The following ZMAT4 variants were observed in gnomAD, a reference collection of about 807,000 sequenced individuals.
ZMAT4 encodes the protein zinc finger matrin-type protein 4.
ZMAT4 carries 17 observed loss-of-function variants against 28.7 expected under a neutral mutation model. The ratio of observed to expected loss-of-function variants is 0.59; its 90% CI spans 0.41 to 0.89. The LOEUF is 0.89. Among genes scored for constraint, ZMAT4 ranks in the 40% least tolerant of loss-of-function variants. The pLI, the probability that ZMAT4 is intolerant of heterozygous loss-of-function variation, is 0.00. For missense variants in ZMAT4, 240 were observed against 283.8 expected (o/e 0.85, Z 1.11); for synonymous variants, 117 against 109.2 (o/e 1.07, Z -0.44).
At chr8:40,534,825 G>A (rs1328789747) in intron 6 of ZMAT4, among the ~76,000 whole-genome samples, 1 of 151,882 alleles carries the variant, frequency 6.6e-6, no homozygotes, top group Non-Finnish European at 1.5e-5. Context: ...TGGGATTACA[G>A]CCACGTGCTA....
At chr8:40,833,738 C>T (rs1816376187) in intron 1 of ZMAT4, among the ~76,000 whole-genome samples, 1 of 152,114 alleles carries the variant, frequency 6.6e-6, no homozygotes, top group Non-Finnish European at 1.5e-5. Context: ...CCCCATGCAG[C>T]ATCTGAGAGC....
intron 5 of ZMAT4, among the ~76,000 whole-genome samples, chr8:40,645,391 T>C (rs1807255140): frequency 6.6e-6 from 1 of 152,134 alleles, no homozygotes; most frequent in Non-Finnish European, 1.5e-5. Flanking sequence ...AACCATGACA[T>C]AATCAATATT....
intron 5 of ZMAT4, among the ~76,000 whole-genome samples, chr8:40,599,900 G>T (rs1343296534): frequency 6.6e-6 from 1 of 152,230 alleles, no homozygotes; most frequent in African/African-American, 2.4e-5. Flanking sequence ...CAGTGCCTGA[G>T]TCACCCTTTG....
chr8:40,699,808 C>T (rs1266787550), intron 3 of ZMAT4, among the ~76,000 whole-genome samples: 1 of 152,200 alleles, frequency 6.6e-6, no homozygotes, highest in Non-Finnish European at 1.5e-5. Context: ...GCTTAATTCT[C>T]AGTCTTAGAA....
At chr8:40,625,186 G>C (rs1806328673) in intron 5 of ZMAT4, among the ~76,000 whole-genome samples, 1 of 152,092 alleles carries the variant, frequency 6.6e-6, no homozygotes, top group African/African-American at 2.4e-5. Flanking sequence ...CCAGAGGACA[G>C]CAAGAAAATC....
At chr8:40,770,486 C>G (rs1036216797) in intron 2 of ZMAT4, among the ~76,000 whole-genome samples, 3 of 151,734 alleles carry the variant, frequency 2.0e-5, no homozygotes, top group African/African-American at 7.3e-5. Flanking sequence ...CCCCTCCTTC[C>G]TTCCTCCCTC....
chr8:40,657,148 A>G (rs574554761), intron 5 of ZMAT4, among the ~76,000 whole-genome samples: 10 of 152,144 alleles, frequency 6.6e-5, no homozygotes, highest in Non-Finnish European at 1.3e-4. Context: ...CTCCCACCTC[A>G]GTTTCCCAAG....
intron 4 of ZMAT4, among the ~76,000 whole-genome samples, chr8:40,675,394 G>A (rs1472855551): frequency 6.6e-6 from 1 of 151,632 alleles, no homozygotes; most frequent in African/African-American, 2.4e-5. Context: ...CAGGGGACAA[G>A]CTCAATGAGC....
At chr8:40,729,895 C>G (rs548577576) in intron 3 of ZMAT4, among the ~76,000 whole-genome samples, 9 of 152,148 alleles carry the variant, frequency 5.9e-5, no homozygotes, top group Non-Finnish European at 1.3e-4. Context: ...GCATATATTT[C>G]TTTCTTGAAG....
intron 2 of ZMAT4, among the ~76,000 whole-genome samples, chr8:40,797,766 A>C (rs2150584012): frequency 6.6e-6 from 1 of 152,346 alleles, no homozygotes; most frequent in East Asian, 1.9e-4. Flanking sequence ...TAAGCTTATC[A>C]GGCAGGGGAT....
At chr8:40,737,776 T>C (rs371813522) in intron 3 of ZMAT4, among the ~76,000 whole-genome samples, 1 of 152,010 alleles carries the variant, frequency 6.6e-6, no homozygotes, top group African/African-American at 2.4e-5. Context: ...TCAAATCATA[T>C]GAGGCAAGTT....
chr8:40,792,525 A>AAGGAAGGG (rs1814381562), intron 2 of ZMAT4, among the ~76,000 whole-genome samples: 2 of 16,216 alleles, frequency 1.2e-4, no homozygotes, highest in African/African-American at 5.9e-4. Context: ...GGAAGGAAGG[A>AAGGAAGGG]AGGAAGGGAC....
chr8:40,859,191 C>T (rs1379617976), intron 1 of ZMAT4, among the ~76,000 whole-genome samples: 3 of 152,170 alleles, frequency 2.0e-5, no homozygotes, highest in Non-Finnish European at 2.9e-5. Flanking sequence ...AGTCCTGTGC[C>T]TTCAAGGTGC....
At position 40,857,653 on chromosome 8, in the gene ZMAT4, C is replaced by T. The variant is rs537797799; in HGVS notation, c.-4-31973G>A. Among the ~76,000 whole-genome samples the T allele has an allele frequency of 5.3e-5, 8 of 152,274 alleles. 1 individual carries two copies. The South Asian group carries it at 1.7e-3, about 32-fold the overall frequency. ...TATGAAATATATATCTACCCTATCACTCAAGGATTTCACTTCTAGAAGTTT... is the reference window on the plus strand; with the variant it reads ...TATGAAATATATATCTACCCTATCATTCAAGGATTTCACTTCTAGAAGTTT... On this transcript the variant is annotated intron_variant, in intron 1 of 6. Coordinates refer to ENST00000297737, the MANE Select transcript of ZMAT4 (RefSeq NM_024645.3).
chr8:40,869,356 G>A (rs1817775673), intron 1 of ZMAT4, among the ~76,000 whole-genome samples: 1 of 152,160 alleles, frequency 6.6e-6, no homozygotes. Context: ...TGATATCTAA[G>A]GGGATTTTTG....
intron 6 of ZMAT4, among the ~76,000 whole-genome samples, chr8:40,554,532 A>C (rs1247739488): frequency 6.6e-6 from 1 of 152,108 alleles, no homozygotes; most frequent in Non-Finnish European, 1.5e-5. Flanking sequence ...CTTTGGGAAA[A>C]ATGTCATTCT....
chr8:40,706,072 T>C (rs1810336812), intron 3 of ZMAT4, among the ~76,000 whole-genome samples: 2 of 152,156 alleles, frequency 1.3e-5, no homozygotes, highest in African/African-American at 4.8e-5. Context: ...TTGTTTTTTC[T>C]TTTGAGACAG....
chr8:40,851,225 G>A (rs769978015), intron 1 of ZMAT4, among the ~76,000 whole-genome samples: 3 of 152,186 alleles, frequency 2.0e-5, no homozygotes, highest in African/African-American at 4.8e-5. Flanking sequence ...CTACTAGGGA[G>A]GCTAAGGCTG....
chr8:40,598,563 A>G (rs1306858170), intron 5 of ZMAT4, among the ~76,000 whole-genome samples: 5 of 152,172 alleles, frequency 3.3e-5, no homozygotes, highest in Non-Finnish European at 7.3e-5. Context: ...ATATAGCTGC[A>G]TAGTATTCCA....
Sources: gnomAD v4.1 joint callset for allele counts (sites outside exome capture counted in the v4.1 genomes callset) on GRCh38, gnomAD v4.1.1 for gene constraint, MANE v1.5 for transcripts, NCBI Gene and HGNC (gene_info 2026-07-23, HGNC 2026-07-21) for gene names.